GNB4: variants seen among roughly 807,000 people sequenced by gnomAD.
GNB4 encodes the protein G protein subunit beta 4, also known as guanine nucleotide-binding protein subunit beta-4.
GNB4 carries 28 observed loss-of-function variants against 45.2 expected under a neutral mutation model. The observed-to-expected ratio is 0.62, with a 90% CI of 0.46 to 0.85. The LOEUF (loss-of-function observed/expected upper bound fraction) is 0.85, where lower values mean the gene tolerates loss of function less well. Among genes scored for constraint, GNB4 ranks in the 40% least tolerant of loss-of-function variants. The pLI is 0.00. For missense variants in GNB4, 321 were observed against 425.4 expected (o/e 0.75, Z 2.16); for synonymous variants, 132 against 143.7 (o/e 0.92, Z 0.58).
chr3:179,492,682 C>T, the GNB4 span, among the ~76,000 whole-genome samples: 2 of 152,136 alleles, frequency 1.3e-5, no homozygotes, highest in African/African-American at 4.8e-5. Context: ...ATTCCACATG[C>T]CCTTGTGCCC....
At chr3:179,472,370 CTT>C in the GNB4 span, among the ~76,000 whole-genome samples, 87,506 of 134,030 alleles carry the variant, frequency 0.65, 28,176 homozygotes, top group East Asian at 0.96. Context: ...TTCTTTCTTT[CTT>C]TTTTTTTTTT....
At chr3:179,480,841 A>ATTTTTTTTTTTTTTTTTTT in the GNB4 span, among the ~76,000 whole-genome samples, 1 of 136,648 alleles carries the variant, frequency 7.3e-6, no homozygotes, top group Non-Finnish European at 1.6e-5. Flanking sequence ...AACTGATTTC[A>ATTTTTTTTTTTTTTTTTTT]TTTTTTTTTT....
intron 8 of GNB4, among the ~76,000 whole-genome samples, chr3:179,412,772 C>T (rs182215898): frequency 2.5e-4 from 38 of 151,532 alleles, no homozygotes; most frequent in African/African-American, 8.2e-4. Context: ...CCCAGAAAGA[C>T]GAGACTTTTT....
chr3:179,465,893 A>G, the GNB4 span, among the ~76,000 whole-genome samples: 1 of 143,006 alleles, frequency 7.0e-6, no homozygotes. Context: ...CCTGGCCTCT[A>G]GCAATCAATC....
At chr3:179,489,144 T>C in the GNB4 span, among the ~76,000 whole-genome samples, 2 of 148,572 alleles carry the variant, frequency 1.3e-5, no homozygotes, top group Admixed American at 1.4e-4. Flanking sequence ...CATAAAACTT[T>C]TATAAATACC....
At chr3:179,495,528 A>T in the GNB4 span, among the ~76,000 whole-genome samples, 1 of 143,730 alleles carries the variant, frequency 7.0e-6, no homozygotes, top group East Asian at 2.1e-4. Context: ...AGGAAAAGAA[A>T]AAACAAGAGG....
chr3:179,430,402 T>C (rs1363279112), intron 1 of GNB4, among the ~76,000 whole-genome samples: 1 of 152,004 alleles, frequency 6.6e-6, no homozygotes, highest in Non-Finnish European at 1.5e-5. Context: ...TCCTTTCTCT[T>C]ATAATAGAAT....
the GNB4 span, chr3:179,464,254 A>C: frequency 1.4e-5 from 6 of 440,802 alleles, no homozygotes; most frequent in Non-Finnish European, 2.5e-5. Flanking sequence ...AGGCCAGGGA[A>C]TCAAGAGCTG....
Position 179,412,234 on chromosome 3 carries a change from G to A in GNB4, c.699+1178C>T, listed in dbSNP as rs1392464171. 1.3e-5 allele frequency among the ~76,000 whole-genome samples: 2 copies of A among 152,128 alleles called. 1 individual carries two copies. Among genetic ancestry groups the A allele is most frequent in the Non-Finnish European group, 2.9e-5 (2 of 68,034 alleles). ...TGTAATCCCAGCACTTTGGAAGACT[G>A]AGGTGGGAGGATCGCTGAGCCCAGG... is the stretch of plus-strand genomic sequence containing the variant. On this transcript the variant is annotated intron_variant, in intron 8 of 9. Transcript: ENST00000232564.
chr3:179,450,905 G>A (rs1370490726), intron 1 of GNB4: 1 of 152,230 alleles, frequency 6.6e-6, no homozygotes, highest in Non-Finnish European at 1.5e-5. Context: ...ACTTTTATGA[G>A]TCTTCCAAGC....
intron 1 of GNB4, among the ~76,000 whole-genome samples, chr3:179,447,609 G>A (rs1715768005): frequency 6.6e-6 from 1 of 152,156 alleles, no homozygotes; most frequent in South Asian, 2.1e-4. Context: ...TGGCTGGTGG[G>A]AGACAGAGAG....
chr3:179,413,356 A>C, intron 8 of GNB4, 56 bp downstream of exon 8: 7 of 1,325,494 alleles, frequency 5.3e-6, no homozygotes, highest in Non-Finnish European at 7.6e-6. Context: ...ATCATGCCAT[A>C]GAGCTCAACA....
chr3:179,485,195 G>A, the GNB4 span, among the ~76,000 whole-genome samples: 1 of 151,822 alleles, frequency 6.6e-6, no homozygotes, highest in Non-Finnish European at 1.5e-5. Context: ...TGTATTTTTA[G>A]TAGAGACGGG....
intron 8 of GNB4, among the ~76,000 whole-genome samples, chr3:179,407,570 C>T (rs1016530200): frequency 2.5e-4 from 38 of 152,292 alleles, no homozygotes; most frequent in African/African-American, 8.7e-4. Context: ...GGAAGAGAAA[C>T]GCAGCTGGAG....
chr3:179,485,043 C>A, the GNB4 span, among the ~76,000 whole-genome samples: 1 of 125,178 alleles, frequency 8.0e-6, no homozygotes, highest in South Asian at 2.4e-4. Flanking sequence ...CGGAGTCTCG[C>A]TGTGTTGCCC....
chr3:179,523,419 A>C, the GNB4 span, among the ~76,000 whole-genome samples: 1 of 152,216 alleles, frequency 6.6e-6, no homozygotes, highest in Non-Finnish European at 1.5e-5. Flanking sequence ...CCAGAACAGA[A>C]TAATGGGTTG....
the GNB4 span, among the ~76,000 whole-genome samples, chr3:179,476,606 T>C: frequency 1.3e-5 from 2 of 152,374 alleles, no homozygotes; most frequent in African/African-American, 4.8e-5. Context: ...CTCTCTGAGA[T>C]GGTGCTACCC....
At chr3:179,438,476 T>C (rs1234110357) in intron 1 of GNB4, among the ~76,000 whole-genome samples, 2 of 152,244 alleles carry the variant, frequency 1.3e-5, no homozygotes, top group African/African-American at 4.8e-5. Flanking sequence ...TTTAAGTCAA[T>C]TTGGCCCAGC....
chr3:179,471,525 G>A, the GNB4 span, among the ~76,000 whole-genome samples: 1 of 152,116 alleles, frequency 6.6e-6, no homozygotes, highest in Non-Finnish European at 1.5e-5. Flanking sequence ...TGCAGTATAG[G>A]CTTGTAGCCT....
Sources: allele counts gnomAD v4.1 joint callset (sites outside exome capture counted in the v4.1 genomes callset), GRCh38; gene constraint gnomAD v4.1.1; transcripts MANE v1.5; gene names NCBI Gene and HGNC (gene_info 2026-07-23, HGNC 2026-07-21).